CENPF: variants seen among roughly 807,000 people sequenced by gnomAD.
CENPF encodes AH antigen.
Under a neutral mutation model 307.3 loss-of-function variants are expected in CENPF, and 214 were observed. That is an observed-to-expected ratio of 0.70 (90% CI 0.62 to 0.78). The LOEUF (loss-of-function observed/expected upper bound fraction) is 0.78. CENPF is among the 30% of genes least tolerant of loss of function. CENPF has a pLI of 0.00. For synonymous variants in CENPF, 1,259 were observed against 1,270.6 expected (o/e 0.99, Z 0.19); for missense variants, 3,401 against 3,483.9 (o/e 0.98, Z 0.60).
At chr1:214,626,998 G>A (rs577415757) in intron 7 of CENPF, among the ~76,000 whole-genome samples, 7 of 152,228 alleles carry the variant, frequency 4.6e-5, no homozygotes, top group Non-Finnish European at 7.4e-5. Flanking sequence ...ACATAAAATC[G>A]TGAATTAATA....
intron 4 of CENPF, 75 bp from the exon 5 acceptor site, chr1:214,619,054 A>C: frequency 1.3e-6 from 1 of 770,836 alleles, no homozygotes; most frequent in South Asian, 1.8e-5. Flanking sequence ...AGACTATCAA[A>C]ATCGTTGTTG....
chr1:214,640,737 T>C lies in CENPF; in HGVS notation c.2399T>C (p.Ile800Thr), dbSNP rs571882717. 4.8e-5 allele frequency: 78 copies of C among 1,614,100 alleles called. No homozygotes were observed. Among genetic ancestry groups the C allele is most frequent in the Non-Finnish European group, 6.1e-5 (72 of 1,180,008 alleles). Residue 800 changes from isoleucine (I) to threonine (T), a missense_variant, in exon 12 of 20, where the codon ATA becomes ACA. Transcript: ENST00000366955. ...QPAMHHSFAN[I>T]IGEQGSMPSE... ...GCCATGCATCATTCCTTTGCAAATA[T>C]AATTGGAGAACAAGGAAGCATGCCT...
In CENPF at chr1:214,658,915, C is replaced by T. The variant is rs545308395; in HGVS notation, c.9028C>T (p.Arg3010Trp). Residue 3010 changes from arginine to tryptophan, a missense_variant, in exon 19 of 20, where the codon CGG becomes TGG. Arg to Trp is a moderately radical substitution (Grantham distance 101). Transcript: ENST00000366955. ...CCTGCGAAGAACAACCATGGCAACT[C>T]GGACCAGCCCCCGCCTGGCTGCACA... ...YILRRTTMAT[R>W]TSPRLAAQKL... 4.8e-5 allele frequency: 78 copies of T among 1,614,096 alleles called. No homozygotes were observed. The highest frequency in any genetic ancestry group is 3.5e-4 in the South Asian group (32 of 91,066).
chr1:214,637,184 T>A (rs1242823878), intron 10 of CENPF, among the ~76,000 whole-genome samples: 2 of 152,220 alleles, frequency 1.3e-5, no homozygotes. Context: ...TCCAGCCCTC[T>A]GATTTCCCAT....
intron 10 of CENPF, among the ~76,000 whole-genome samples, chr1:214,633,186 A>G (rs1480433652): frequency 1.3e-5 from 2 of 152,248 alleles, no homozygotes; most frequent in Non-Finnish European, 2.9e-5. Flanking sequence ...CAGCCTGTGC[A>G]TGCCCTGGTT....
chr1:214,642,725 G>A lies in CENPF; in HGVS notation c.4387G>A (p.Glu1463Lys). The A allele has an allele frequency of 6.2e-7, 1 of 1,614,142 alleles. No individual in the cohort carries two copies. Among genetic ancestry groups the A allele is most frequent in the Non-Finnish European group, 8.5e-7 (1 of 1,180,018 alleles). Residue 1463 changes from glutamate (E) to lysine (K), a missense_variant, in exon 12 of 20, where the codon GAG (glutamate) becomes AAG (lysine). Transcript: ENST00000366955. ...AAACTTTCAAGGTGACTTGGTGAAG[G>A]AGATGCAGCTGGGCTTGGAGGAGGG... ...LRNFQGDLVK[E>K]MQLGLEEGLV... is the part of the protein sequence containing the mutation.
intron 3 of CENPF, among the ~76,000 whole-genome samples, chr1:214,617,567 G>C (rs1657394619): frequency 6.6e-6 from 1 of 152,136 alleles, no homozygotes; most frequent in South Asian, 2.1e-4. Context: ...CCTTTATACA[G>C]GGTGTACATA....
chr1:214,618,044 A>G (rs985323121), intron 3 of CENPF, among the ~76,000 whole-genome samples: 2 of 152,324 alleles, frequency 1.3e-5, no homozygotes, highest in East Asian at 1.9e-4. Context: ...GGGGAAGCAA[A>G]CACACCCTTC....
In CENPF at chr1:214,645,973, C is replaced by G; in HGVS notation, c.6403C>G (p.Gln2135Glu). ...TCGCATTGAGGCCGATGAAAAGAAG[C>G]AGCTGCACATCGCAGAGAAACTGAA... Reference protein sequence around the residue: ...RVRIEADEKKQLHIAEKLKER... With the variant: ...RVRIEADEKKELHIAEKLKER... The change falls in exon 13 of 20, where the codon CAG becomes GAG. Residue 2135 changes from glutamine (Q) to glutamate (E), a missense_variant. Physicochemically the swap from Gln to Glu is conservative, Grantham distance 29. Coordinates refer to ENST00000366955, the MANE Select transcript of CENPF (RefSeq NM_016343.4). The G allele has an allele frequency of 6.2e-7, 1 of 1,614,128 alleles. No homozygotes were observed. The highest frequency in any genetic ancestry group is 1.1e-5 in the South Asian group (1 of 91,088).
At position 214,645,355 on chromosome 1, in the gene CENPF, C is replaced by G. The variant is rs1357421785; in HGVS notation, c.5785C>G (p.Gln1929Glu). Residue 1929 changes from glutamine (Q) to glutamate (E), a missense_variant, in exon 13 of 20, where the codon CAA (glutamine) becomes GAA (glutamate). Gln to Glu is a conservative substitution (Grantham distance 29). Transcript: ENST00000366955. The part of the protein sequence containing the change: ...LYLEADLEVV[Q>E]TEKLCLEKDN... ...CCTGGAGGCTGACTTAGAGGTAGTTCAAACAGAGAAGCTATGTTTAGAAAA... is the reference window on the plus strand; with the variant it reads ...CCTGGAGGCTGACTTAGAGGTAGTTGAAACAGAGAAGCTATGTTTAGAAAA... 1.9e-6 allele frequency: 3 copies of G among 1,613,950 alleles called. No homozygotes were observed. Among genetic ancestry groups the G allele is most frequent in the Non-Finnish European group, 2.5e-6 (3 of 1,179,982 alleles).
chr1:214,605,348 A>G (rs1310257623), intron 1 of CENPF: 2 of 295,330 alleles, frequency 6.8e-6, no homozygotes, highest in African/African-American at 2.2e-5. Flanking sequence ...TATTATCCTC[A>G]TTTTACAAAC....
chr1:214,639,231 G>T (rs1198925077), intron 11 of CENPF, among the ~76,000 whole-genome samples: 1 of 152,166 alleles, frequency 6.6e-6, no homozygotes, highest in Non-Finnish European at 1.5e-5. Flanking sequence ...GGAGGGGCCA[G>T]TATGTATAGA....
chr1:214,611,668 C>G (rs1456274047), intron 1 of CENPF, among the ~76,000 whole-genome samples: 1 of 152,172 alleles, frequency 6.6e-6, no homozygotes, highest in African/African-American at 2.4e-5. Context: ...GCCCAGCCTT[C>G]TAATTCTTAT....
intron 1 of CENPF, chr1:214,606,050 AGGATGATGCTG>A (rs1657020418): frequency 6.3e-7 from 1 of 1,594,920 alleles, no homozygotes; most frequent in African/African-American, 1.3e-5. Context: ...CTGCCCGTAC[AGGATGATGCTG>A]TCCGGGCTGA....
intron 5 of CENPF, among the ~76,000 whole-genome samples, chr1:214,619,528 A>C (rs1319623361): frequency 3.9e-5 from 6 of 152,172 alleles, no homozygotes; most frequent in Non-Finnish European, 5.9e-5. Flanking sequence ...GGGGCCAGAG[A>C]ATTAGTCGTG....
intron 10 of CENPF, among the ~76,000 whole-genome samples, chr1:214,636,934 A>G (rs1657980746): frequency 6.6e-6 from 1 of 152,208 alleles, no homozygotes; most frequent in Non-Finnish European, 1.5e-5. Context: ...AGGTTGAGAT[A>G]CTTGTTTGTT....
At chr1:214,608,352 A>G in intron 1 of CENPF, 1 of 1,611,342 alleles carries the variant, frequency 6.2e-7, no homozygotes, top group Non-Finnish European at 8.5e-7. Flanking sequence ...CGATGTCGGC[A>G]TAGAGGTTCC....
intron 15 of CENPF, 94 bp from the exon 16 acceptor site, chr1:214,652,734 C>T (rs759641237): frequency 5.1e-5 from 56 of 1,102,346 alleles, no homozygotes; most frequent in African/African-American, 9.5e-5. Context: ...TGAAACACTG[C>T]GCCCAGCTGT....
chr1:214,645,119 C>T lies in CENPF; in HGVS notation c.5549C>T (p.Ser1850Phe). The T allele has an allele frequency of 6.2e-7, 1 of 1,612,814 alleles. No individual in the cohort carries two copies. The highest frequency in any genetic ancestry group is 8.5e-7 in the Non-Finnish European group (1 of 1,179,722). Residue 1850 changes from serine to phenylalanine, a missense_variant, in exon 13 of 20, where the codon TCT (serine) becomes TTT (phenylalanine). Coordinates refer to ENST00000366955, the MANE Select transcript of CENPF (RefSeq NM_016343.4). ...TTAAGTGAAAAATTGGAATATTTTT[C>T]TTGTGATCACCAGGAGTTACTCCAG... is the stretch of plus-strand genomic sequence containing the variant. ...SDLSEKLEYFSCDHQELLQRV... is the reference protein window; with the variant it reads ...SDLSEKLEYFFCDHQELLQRV...
Sources: gnomAD v4.1 joint callset for allele counts (sites outside exome capture counted in the v4.1 genomes callset) on GRCh38, gnomAD v4.1.1 for gene constraint, MANE v1.5 for transcripts, NCBI Gene and HGNC (gene_info 2026-07-23, HGNC 2026-07-21) for gene names.